FREM2: variants seen among roughly 807,000 people sequenced by gnomAD.
FREM2 encodes the protein FRAS1 related extracellular matrix 2, also known as FRAS1-related extracellular matrix protein 2.
Under a neutral mutation model 219.9 loss-of-function variants are expected in FREM2, and 119 were observed. The ratio of observed to expected loss-of-function variants is 0.54; its 90% CI spans 0.47 to 0.63. The LOEUF is 0.63. Ranked by LOEUF, FREM2 falls within the 30% of genes least tolerant of loss-of-function variation. The pLI, the probability that FREM2 is intolerant of heterozygous loss-of-function variation, is 0.00. For missense variants in FREM2, 4,030 were observed against 3,993.6 expected (o/e 1.01, Z -0.25); for synonymous variants, 1,562 against 1,522.8 (o/e 1.03, Z -0.60).
chr13:38,847,729 A>G (rs755504679), intron 7 of FREM2, among the ~76,000 whole-genome samples: 2 of 152,216 alleles, frequency 1.3e-5, no homozygotes, highest in African/African-American at 4.8e-5. Flanking sequence ...GAAGAGCAGA[A>G]GGTATGAAAA....
intron 2 of FREM2, among the ~76,000 whole-genome samples, chr13:38,726,596 G>A (rs1030605254): frequency 2.6e-5 from 4 of 152,156 alleles, no homozygotes; most frequent in African/African-American, 7.2e-5. Flanking sequence ...GGCAGGTTGA[G>A]AACTACTCTG....
chr13:38,865,195 T>A (rs1179433174), intron 16 of FREM2, among the ~76,000 whole-genome samples: 1 of 152,224 alleles, frequency 6.6e-6, no homozygotes, highest in African/African-American at 2.4e-5. Context: ...TTAAAACTTA[T>A]TGTTATTTGC....
Position 38,884,082 on chromosome 13 carries a change from C to T in FREM2, c.*3295C>T, listed in dbSNP as rs919481387. On this transcript the variant is annotated 3_prime_UTR_variant, in exon 24 of 24. Coordinates refer to ENST00000280481, the MANE Select transcript of FREM2 (RefSeq NM_207361.6). Reference sequence around the variant, plus strand: ...AGCATTAGCACCTTCTGAATTCCACCCTCTCAGAAGAATCCACAGTGTTTG... The same window carrying T: ...AGCATTAGCACCTTCTGAATTCCACTCTCTCAGAAGAATCCACAGTGTTTG... 6.6e-6 allele frequency: 1 copy of T among 152,184 alleles called. No individual in the cohort carries two copies. The highest frequency in any genetic ancestry group is 1.9e-4 in the East Asian group (1 of 5,202). 9.4% of individuals were successfully genotyped at this position (152,184 alleles called of 1,614,324 possible).
At chr13:38,842,917 A>C (rs1322247893) in intron 6 of FREM2, among the ~76,000 whole-genome samples, 3 of 152,302 alleles carry the variant, frequency 2.0e-5, no homozygotes, top group Middle Eastern at 3.4e-3. Context: ...CAACCTTGAG[A>C]AGCGCATTTA....
intron 2 of FREM2, among the ~76,000 whole-genome samples, chr13:38,722,172 C>G (rs1416800358): frequency 2.0e-5 from 3 of 151,930 alleles, no homozygotes; most frequent in African/African-American, 7.3e-5. Context: ...GCCTGGTTAA[C>G]TTTTTCAATT....
intron 6 of FREM2, among the ~76,000 whole-genome samples, chr13:38,822,543 C>T (rs900845197): frequency 6.6e-6 from 1 of 151,778 alleles, no homozygotes; most frequent in African/African-American, 2.4e-5. Context: ...GTGGGTCTAG[C>T]GTGCACGGTC....
chr13:38,853,317 G>GAA (rs776640338), intron 11 of FREM2, among the ~76,000 whole-genome samples: 20 of 56,840 alleles, frequency 3.5e-4, no homozygotes, highest in Admixed American at 6.1e-4. Context: ...AACTCCGTCT[G>GAA]AAAAAAAAAA....
chr13:38,823,414 A>G (rs1444065647), intron 6 of FREM2, among the ~76,000 whole-genome samples: 1 of 151,716 alleles, frequency 6.6e-6, no homozygotes, highest in African/African-American at 2.4e-5. Flanking sequence ...CTCACCTGCT[A>G]ATTTCTAGGA....
chr13:38,710,160 G>A (rs1180940241), intron 2 of FREM2, among the ~76,000 whole-genome samples: 4 of 151,754 alleles, frequency 2.6e-5, no homozygotes. Context: ...CTCCAGCCTG[G>A]GTGACAGAGT....
intron 4 of FREM2, 88 bp downstream of exon 4, chr13:38,769,896 T>A (rs894292062): frequency 1.3e-5 from 13 of 966,880 alleles, no homozygotes; most frequent in Non-Finnish European, 2.2e-5. Flanking sequence ...CAGTTTTAAA[T>A]TCAATGTTTG....
At chr13:38,807,189 TTATATATATA>T (rs59551341) in intron 6 of FREM2, among the ~76,000 whole-genome samples, 635 of 45,380 alleles carry the variant, frequency 0.014, 31 homozygotes, top group African/African-American at 0.035. Context: ...CTTGTCTCTG[TTATATATATA>T]TATATATATA....
At chr13:38,767,593 G>A (rs1566134888) in intron 3 of FREM2, among the ~76,000 whole-genome samples, 1 of 152,334 alleles carries the variant, frequency 6.6e-6, no homozygotes, top group East Asian at 1.9e-4. Flanking sequence ...TTTTGCTGGT[G>A]ATGCCACTGG....
intron 8 of FREM2, 112 bp from the exon 9 acceptor site, chr13:38,849,926 G>T: frequency 1.2e-6 from 1 of 859,512 alleles, no homozygotes. Flanking sequence ...AATGGAGACA[G>T]AATCCAGTTC....
chr13:38,827,618 C>T (rs1876344231), intron 6 of FREM2: 1 of 151,976 alleles, frequency 6.6e-6, no homozygotes, highest in Non-Finnish European at 1.5e-5. Flanking sequence ...TGAAATAGGG[C>T]ATAAAAATAA....
chr13:38,714,397 A>G (rs180877779), intron 2 of FREM2, among the ~76,000 whole-genome samples: 453 of 152,342 alleles, frequency 3.0e-3, no homozygotes, highest in African/African-American at 0.01. Flanking sequence ...AAAACATTCA[A>G]TTGTATCCTG....
Position 38,838,467 on chromosome 13 carries a change from T to A in FREM2, c.6020-8106T>A, listed in dbSNP as rs142476017. Among the ~76,000 whole-genome samples the A allele has an allele frequency of 4.9e-3, 745 of 152,312 alleles. 3 individuals are homozygous for A. Among genetic ancestry groups the A allele is most frequent in the Non-Finnish European group, 8.6e-3 (588 of 68,030 alleles). ...GGTTGCTCTTTTCAAGGAGTATCTTTGTGGTGTTCTCTGTATTTCCTGAAT... is the reference window on the plus strand; with the variant it reads ...GGTTGCTCTTTTCAAGGAGTATCTTAGTGGTGTTCTCTGTATTTCCTGAAT... On this transcript the variant is annotated intron_variant, in intron 6 of 23. Transcript: ENST00000280481.
At chr13:38,814,431 G>T (rs867475993) in intron 6 of FREM2, among the ~76,000 whole-genome samples, 2 of 152,294 alleles carry the variant, frequency 1.3e-5, no homozygotes, top group Middle Eastern at 3.4e-3. Flanking sequence ...TGGTGGTCTT[G>T]GCTGAGATCC....
intron 14 of FREM2, among the ~76,000 whole-genome samples, chr13:38,860,420 C>T (rs954400694): frequency 4.6e-5 from 7 of 152,258 alleles, no homozygotes; most frequent in East Asian, 3.9e-4. Flanking sequence ...TTCTTAAAAA[C>T]GGTTGTATAT....
chr13:38,695,001 C>T (rs1652572921), intron 1 of FREM2, among the ~76,000 whole-genome samples: 1 of 151,964 alleles, frequency 6.6e-6, no homozygotes, highest in African/African-American at 2.4e-5. Context: ...TAAAAACAAA[C>T]AAACAAAAAA....
Sources: gnomAD v4.1 joint callset for allele counts (sites outside exome capture counted in the v4.1 genomes callset) on GRCh38, gnomAD v4.1.1 for gene constraint, MANE v1.5 for transcripts, NCBI Gene and HGNC (gene_info 2026-07-23, HGNC 2026-07-21) for gene names.